Variants in CTNNA1 observed in about 807,000 individuals in gnomAD.
The protein encoded by CTNNA1 is catenin alpha 1.
A neutral mutation model predicts 98.4 loss-of-function variants in CTNNA1; 37 were observed. That is an observed-to-expected ratio of 0.38 (90% confidence interval 0.29 to 0.49). The LOEUF is 0.49. CTNNA1 is among the 20% of genes least tolerant of loss of function. CTNNA1 has a pLI of 0.95. For missense variants in CTNNA1, 761 were observed against 1,147.2 expected, an observed-to-expected ratio of 0.66 and a Z score of 4.86; for synonymous variants, 404 against 413.2, an observed-to-expected ratio of 0.98 and a Z score of 0.27.
intron 9 of CTNNA1, among the ~76,000 whole-genome samples, chr5:138,890,777 C>G (rs998322535): frequency 6.6e-6 from 1 of 152,136 alleles, no homozygotes; most frequent in South Asian, 2.1e-4. Context: ...CATGGTTGGC[C>G]CCATATCCTG....
chr5:138,917,969 G>C, intron 11 of CTNNA1, 71 bp downstream of exon 11: 1 of 1,425,272 alleles, frequency 7.0e-7, no homozygotes. Flanking sequence ...TGTATTAATG[G>C]GCAAACACTG....
At chr5:138,861,796 A>G (rs1764308980) in intron 7 of CTNNA1, among the ~76,000 whole-genome samples, 1 of 152,248 alleles carries the variant, frequency 6.6e-6, no homozygotes, top group Non-Finnish European at 1.5e-5. Flanking sequence ...AGAAGCGTGG[A>G]CTGAAAAGAT....
intron 1 of CTNNA1, among the ~76,000 whole-genome samples, chr5:138,776,712 C>T (rs1307163571): frequency 1.0e-4 from 15 of 146,360 alleles, no homozygotes; most frequent in South Asian, 4.4e-4. Context: ...GGCGGCTGGC[C>T]GGGCAGAGGG....
rs756586452 is a variant in CTNNA1, at chr5:138,825,482, G to GTTTTTTT, written c.858+693_858+699dup. Among the ~76,000 whole-genome samples the GTTTTTTT allele has an allele frequency of 4.7e-4, 35 of 74,116 alleles. 1 individual carries two copies. Among genetic ancestry groups the GTTTTTTT allele is most frequent in the African/African-American group, 1.8e-3 (31 of 17,296 alleles). The allele number at this position is 74,116 out of a possible 152,430, so 48.6% of individuals were successfully genotyped here. On this transcript the variant is annotated intron_variant, in intron 6 of 17. Transcript: ENST00000302763. ...CTTCCAGTAGATGGCAGCAGTATAA[G>GTTTTTTT]TTTTTTTTTTTTTTTTAGGGCTTTA...
At chr5:138,778,975 T>G (rs532401067) in intron 1 of CTNNA1, among the ~76,000 whole-genome samples, 1 of 152,178 alleles carries the variant, frequency 6.6e-6, no homozygotes, top group Admixed American at 6.5e-5. Context: ...GCCTCCCAGG[T>G]TCCAGCGATT....
chr5:138,924,721 T>G lies in CTNNA1; in HGVS notation c.1747+11T>G. ...TGCTCTCCAACACAGGTACGGGAAC[T>G]CTCCCTTTCCAGTGCTCGCACACAC... On this transcript the variant is annotated intron_variant, in intron 12 of 17. Transcript: ENST00000302763. 6.4e-7 allele frequency: 1 copy of G among 1,557,050 alleles called. No homozygotes were observed. The highest frequency in any genetic ancestry group is 8.7e-7 in the Non-Finnish European group (1 of 1,150,224).
chr5:138,906,872 G>A (rs184379926), intron 10 of CTNNA1, among the ~76,000 whole-genome samples: 127 of 152,262 alleles, frequency 8.3e-4, no homozygotes, highest in Middle Eastern at 3.4e-3. Flanking sequence ...GACTGGGCAG[G>A]TTCAGTAATG....
chr5:138,761,447 G>T (rs1752357950), intron 1 of CTNNA1, among the ~76,000 whole-genome samples: 2 of 152,114 alleles, frequency 1.3e-5, no homozygotes, highest in Admixed American at 6.6e-5. Flanking sequence ...ATTTTGGCCA[G>T]GCTGGTTTTG....
Position 138,874,879 on chromosome 5 carries a change from G to A in CTNNA1, c.1063-11333G>A, listed in dbSNP as rs748700154. The A allele has an allele frequency of 6.2e-7, 1 of 1,601,120 alleles. No homozygotes were observed. Among genetic ancestry groups the A allele is most frequent in the Non-Finnish European group, 8.5e-7 (1 of 1,170,990 alleles). On this transcript the variant is annotated intron_variant, in intron 7 of 17. Coordinates refer to ENST00000302763, the MANE Select transcript of CTNNA1 (RefSeq NM_001903.5). The surrounding 1 kb of genome is among the most constrained non-coding windows in gnomAD (Gnocchi z 4.1). Reference sequence around the variant, plus strand: ...TTAAAAGCGTGATTCCTTGTTGAATGTACAAGACATATAAATGCACAGACT... The same window carrying A: ...TTAAAAGCGTGATTCCTTGTTGAATATACAAGACATATAAATGCACAGACT...
chr5:138,817,828 G>T (rs1057457302), intron 5 of CTNNA1, among the ~76,000 whole-genome samples: 2 of 151,760 alleles, frequency 1.3e-5, no homozygotes, highest in African/African-American at 4.8e-5. Flanking sequence ...CCTGATTTTG[G>T]TGAATTTTCT....
chr5:138,860,093 A>G (rs934151360), intron 7 of CTNNA1, among the ~76,000 whole-genome samples: 6 of 152,152 alleles, frequency 3.9e-5, no homozygotes, highest in African/African-American at 1.4e-4. Flanking sequence ...TCTTAAAAAT[A>G]TTATTTTCCA....
At chr5:138,885,168 T>C (rs544202084) in intron 7 of CTNNA1, among the ~76,000 whole-genome samples, 1 of 152,184 alleles carries the variant, frequency 6.6e-6, no homozygotes, top group Non-Finnish European at 1.5e-5. Flanking sequence ...ATAACAAATG[T>C]ACATTAAAGG....
At chr5:138,885,416 A>G (rs1300861192) in intron 7 of CTNNA1, among the ~76,000 whole-genome samples, 1 of 152,226 alleles carries the variant, frequency 6.6e-6, no homozygotes. Flanking sequence ...AGTTTAACCT[A>G]CATGATGTAG....
At chr5:138,768,592 T>C (rs1753194073) in intron 1 of CTNNA1, among the ~76,000 whole-genome samples, 1 of 122,536 alleles carries the variant, frequency 8.2e-6, no homozygotes, top group Non-Finnish European at 1.6e-5. Flanking sequence ...TGAGATGGAG[T>C]CTTGCTGTGT....
chr5:138,768,094 T>C (rs1753130068), intron 1 of CTNNA1, among the ~76,000 whole-genome samples: 2 of 152,242 alleles, frequency 1.3e-5, no homozygotes. Context: ...TTCTTTCTCT[T>C]TTTAAAAATC....
chr5:138,924,646 C>G lies in CTNNA1; in HGVS notation c.1683C>G (p.Asp561Glu), dbSNP rs2150289433. 1 of 1,610,712 alleles carries G rather than the reference C, an allele frequency of 6.2e-7. No individual in the cohort carries two copies. The highest frequency in any genetic ancestry group is 8.5e-7 in the Non-Finnish European group (1 of 1,178,460). Reference sequence around the variant, plus strand: ...TTCACGTAGTCACCTCAGAGATGGACAACTATGAGCCAGGAGTCTACACAG... The same window carrying G: ...TTCACGTAGTCACCTCAGAGATGGAGAACTATGAGCCAGGAGTCTACACAG... Reference protein sequence around the residue: ...RVIHVVTSEMDNYEPGVYTEK... With the variant: ...RVIHVVTSEMENYEPGVYTEK... The change falls in exon 12 of 18, where the codon GAC becomes GAG. Residue 561 changes from aspartate (D) to glutamate (E), a missense_variant. Physicochemically the swap from Asp to Glu is conservative, Grantham distance 45. This residue lies in a region of CTNNA1 where 287 missense variants were observed against 436.0 expected (regional missense o/e 0.66). Coordinates refer to ENST00000302763, the MANE Select transcript of CTNNA1 (RefSeq NM_001903.5).
intron 7 of CTNNA1, among the ~76,000 whole-genome samples, chr5:138,854,045 T>C (rs1763489683): frequency 6.6e-6 from 1 of 152,218 alleles, no homozygotes; most frequent in Non-Finnish European, 1.5e-5. Flanking sequence ...TTTGGAGCCT[T>C]TCCTGCTATA....
At chr5:138,858,249 C>T (rs1406682789) in intron 7 of CTNNA1, among the ~76,000 whole-genome samples, 1 of 152,034 alleles carries the variant, frequency 6.6e-6, no homozygotes, top group Non-Finnish European at 1.5e-5. Flanking sequence ...ACCTCAGCCT[C>T]CTGAGTAGCT....
At chr5:138,928,968 A>G (rs910835771) in intron 13 of CTNNA1, among the ~76,000 whole-genome samples, 3 of 152,186 alleles carry the variant, frequency 2.0e-5, no homozygotes, top group Non-Finnish European at 1.5e-5. Flanking sequence ...TGTCTTACAA[A>G]GAAATAGTGA....
Sources: allele counts gnomAD v4.1 joint callset (sites outside exome capture counted in the v4.1 genomes callset), GRCh38; gene constraint gnomAD v4.1.1; regional missense constraint gnomAD v4.1.1; non-coding constraint Gnocchi (gnomAD v3.1); transcripts MANE v1.5; gene names NCBI Gene and HGNC (gene_info 2026-07-23, HGNC 2026-07-21).